CDH26: variants seen among roughly 807,000 people sequenced by gnomAD.
CDH26 encodes cadherin 26, also known as cadherin-like protein 26.
In CDH26, 83 loss-of-function variants were observed where a neutral mutation model predicts 90.3. The ratio of observed to expected loss-of-function variants is 0.92; its 90% confidence interval spans 0.77 to 1.10. The LOEUF (loss-of-function observed/expected upper bound fraction) is 1.10, where lower values mean the gene tolerates loss of function less well. Ranked by LOEUF, CDH26 falls within the 50% of genes least tolerant of loss-of-function variation. The pLI, the probability that CDH26 is intolerant of heterozygous loss-of-function variation, is 0.00. For synonymous variants in CDH26, 397 were observed against 396.3 expected, an observed-to-expected ratio of 1.00 and a Z score of -0.02; for missense variants, 1,013 against 1,037.6, an observed-to-expected ratio of 0.98 and a Z score of 0.33.
intron 1 of CDH26, among the ~76,000 whole-genome samples, chr20:59,960,025 G>A (rs1196991049): frequency 6.6e-6 from 1 of 152,222 alleles, no homozygotes; most frequent in Non-Finnish European, 1.5e-5. Context: ...CCCAGTGGCT[G>A]GTAACTGTGA....
chr20:59,985,402 C>T (rs1488178730), intron 7 of CDH26, among the ~76,000 whole-genome samples: 3 of 151,980 alleles, frequency 2.0e-5, no homozygotes, highest in South Asian at 2.1e-4. Flanking sequence ...GCATGTCACT[C>T]GGTGACAACA....
intron 7 of CDH26, 82 bp downstream of exon 7, chr20:59,985,211 G>T (rs1369530373): frequency 2.0e-6 from 3 of 1,519,188 alleles, no homozygotes; most frequent in Admixed American, 1.8e-5. Flanking sequence ...CTCAGAGAGG[G>T]TGTTAGGCTG....
At position 60,006,609 on chromosome 20, in the gene CDH26, G is replaced by A. The variant is rs150130475; in HGVS notation, c.2221-104G>A. The A allele has an allele frequency of 2.7e-4, 213 of 775,000 alleles. No homozygotes were observed. The East Asian group carries it at 4.5e-3, about 17-fold the overall frequency. 48.0% of individuals were successfully genotyped at this position (775,000 alleles called of 1,614,324 possible). A position where few individuals can be genotyped will look rare whatever the true frequency, so the allele number is the denominator to read the frequency against. ...CCTGGCTCTTCACCTCCAAGAGAAC[G>A]GTGCTCAGTGTGCCCCATCTATGCT... is the stretch of plus-strand genomic sequence containing the variant. On this transcript the variant is annotated intron_variant, in intron 16 of 17. Coordinates refer to ENST00000348616, the MANE Select transcript of CDH26 (RefSeq NM_177980.4).
intron 9 of CDH26, among the ~76,000 whole-genome samples, chr20:59,989,390 C>T (rs961420887): frequency 3.3e-5 from 5 of 151,546 alleles, no homozygotes; most frequent in Admixed American, 2.0e-4. Context: ...TAGCCGGGCG[C>T]GGTGGCGGGC....
At chr20:60,029,964 A>C (rs2062028035) in intron 7 of CDH26, among the ~76,000 whole-genome samples, 1 of 152,208 alleles carries the variant, frequency 6.6e-6, no homozygotes, top group Non-Finnish European at 1.5e-5. Context: ...ATATAAAAGC[A>C]AAGGAACACA....
At chr20:60,005,934 A>C (rs1303994725) in intron 16 of CDH26, among the ~76,000 whole-genome samples, 1 of 152,132 alleles carries the variant, frequency 6.6e-6, no homozygotes, top group African/African-American at 2.4e-5. Flanking sequence ...GAACACGCCA[A>C]GTTCCCTCCC....
chr20:60,011,166 C>T (rs544694238), intron 17 of CDH26, among the ~76,000 whole-genome samples: 12 of 152,146 alleles, frequency 7.9e-5, no homozygotes, highest in Admixed American at 2.0e-4. Context: ...GAAATACTGC[C>T]GAGCATTTGA....
At chr20:60,026,570 C>T (rs2069736744) in intron 7 of CDH26, among the ~76,000 whole-genome samples, 1 of 152,182 alleles carries the variant, frequency 6.6e-6, no homozygotes, top group Non-Finnish European at 1.5e-5. Flanking sequence ...TGAGCATCCC[C>T]TCACCCCACT....
intron 7 of CDH26, among the ~76,000 whole-genome samples, chr20:60,024,098 T>C (rs2061979068): frequency 6.6e-6 from 1 of 152,222 alleles, no homozygotes; most frequent in East Asian, 1.9e-4. Flanking sequence ...AGTCTTTATG[T>C]TTTTGAAAAA....
intron 4 of CDH26, among the ~76,000 whole-genome samples, chr20:59,982,244 TTCTC>T (rs1359193389): frequency 2.0e-5 from 3 of 152,310 alleles, no homozygotes; most frequent in South Asian, 2.1e-4. Context: ...GTTGGTTACT[TTCTC>T]TATTGTTTTG....
At chr20:59,973,205 C>G (rs930448136) in intron 4 of CDH26, among the ~76,000 whole-genome samples, 1 of 152,132 alleles carries the variant, frequency 6.6e-6, no homozygotes, top group Non-Finnish European at 1.5e-5. Flanking sequence ...CAGGGTGAAG[C>G]CTGAAAGCCT....
chr20:60,020,336 C>T (rs537669681), intron 7 of CDH26, among the ~76,000 whole-genome samples: 33 of 152,156 alleles, frequency 2.2e-4, no homozygotes, highest in African/African-American at 7.2e-4. Context: ...CATGGTTTCT[C>T]GGCTGGCCTG....
chr20:60,004,655 A>G lies in CDH26; in HGVS notation c.2220+1789A>G, dbSNP rs1482797500. 2.6e-5 allele frequency among the ~76,000 whole-genome samples: 4 copies of G among 151,454 alleles called. No homozygotes were observed. The East Asian group carries it at 7.8e-4, about 30-fold the overall frequency. On this transcript the variant is annotated intron_variant, in intron 16 of 17. Transcript: ENST00000348616. ...GTGGCGGGCGCCTGTAGCCCCAGCTACTTGGGAGGCTGAGGCAGGAGAATG... is the reference window on the plus strand; with the variant it reads ...GTGGCGGGCGCCTGTAGCCCCAGCTGCTTGGGAGGCTGAGGCAGGAGAATG...
rs765983559 is a variant in CDH26 at position 59,995,948 on chromosome 20, CT to C, written c.1783del (p.Cys595AlafsTer139). ...AGAAGCAAACTGTCCATGTAAGGAT[CT>C]GCCCCTGTGCCAGTGGGCTCACATG... is the stretch of plus-strand genomic sequence containing the variant. ...SQKQTVHVRI[C>X]PCASGLTCVE... On this transcript the variant is annotated frameshift_variant, in exon 12 of 18. Transcript: ENST00000348616. LOFTEE classifies it high-confidence loss of function. 6.2e-6 allele frequency: 10 copies of C among 1,614,104 alleles called. No individual in the cohort carries two copies. In the Admixed American group the frequency reaches 1.7e-4, roughly 27 times the overall value.
rs755519740 is a variant in CDH26, at chr20:59,994,324, C to T, written c.1501C>T (p.Arg501Trp). The part of the protein sequence containing the change: ...SDINDNVPTL[R>W]PRSRYMEVCE... ...CATCAATGACAACGTCCCGACTCTC[C>T]GGCCACGTTCCCGCTACATGGAGGT... The change falls in exon 11 of 18, where the codon CGG becomes TGG. Residue 501 changes from arginine to tryptophan, a missense_variant. Arg to Trp is a moderately radical substitution (Grantham distance 101). Transcript: ENST00000348616. 8.7e-6 allele frequency: 14 copies of T among 1,613,892 alleles called. No homozygotes were observed. Among genetic ancestry groups the T allele is most frequent in the Middle Eastern group, 1.6e-4 (1 of 6,084 alleles).
In CDH26 at chr20:60,022,002, C is replaced by T. The variant is rs190339179; in HGVS notation, c.948-9229C>T. Among the ~76,000 whole-genome samples, 691 of 150,884 alleles carry T rather than the reference C, an allele frequency of 4.6e-3. 2 individuals carry two copies. Among genetic ancestry groups the T allele is most frequent in the Non-Finnish European group, 7.3e-3 (495 of 67,736 alleles). On this transcript the variant is annotated intron_variant, in intron 7 of 8. Coordinates refer to the CDH26 transcript ENST00000370991. The stretch of plus-strand genomic sequence containing the variant: ...TCATGTTGGCATCTTTATGAAGTAC[C>T]CCTGGCATAGGATATTTCAGCCTTT...
At chr20:59,995,804 T>G (rs923852148) in intron 11 of CDH26, 29 bp from the exon 12 acceptor site, 3 of 1,595,582 alleles carry the variant, frequency 1.9e-6, no homozygotes, top group Non-Finnish European at 2.6e-6. Flanking sequence ...AGTGAGTCAA[T>G]GCATGCCATG....
At chr20:59,983,854 T>G (rs1441341046) in intron 5 of CDH26, among the ~76,000 whole-genome samples, 3 of 152,246 alleles carry the variant, frequency 2.0e-5, no homozygotes, top group Non-Finnish European at 4.4e-5. Flanking sequence ...AAAGGTGCAA[T>G]TTTACTGTTT....
At chr20:59,965,877 G>A (rs1483286844) in intron 1 of CDH26, among the ~76,000 whole-genome samples, 1 of 152,142 alleles carries the variant, frequency 6.6e-6, no homozygotes, top group Non-Finnish European at 1.5e-5. Context: ...GCCTGCACAT[G>A]ATTTTAGAAC....
Sources: gnomAD v4.1 joint callset for allele counts (sites outside exome capture counted in the v4.1 genomes callset) on GRCh38, gnomAD v4.1.1 for gene constraint, MANE v1.5 for transcripts, NCBI Gene and HGNC (gene_info 2026-07-23, HGNC 2026-07-21) for gene names.